CNTNAP5: variants seen among roughly 807,000 people sequenced by gnomAD.
The protein encoded by CNTNAP5 is contactin associated protein family member 5.
CNTNAP5 carries 72 observed loss-of-function variants against 150.2 expected under a neutral mutation model. The ratio of observed to expected loss-of-function variants is 0.48; its 90% confidence interval spans 0.40 to 0.58. The LOEUF (loss-of-function observed/expected upper bound fraction) is 0.58, where lower values mean the gene tolerates loss of function less well. Among genes scored for constraint, CNTNAP5 ranks in the 20% least tolerant of loss-of-function variants. The probability of loss-of-function intolerance (pLI) is 0.00; values close to 1 mark genes in which losing one functional copy is unlikely to be tolerated. For missense variants in CNTNAP5, 1,636 were observed against 1,626.2 expected, an observed-to-expected ratio of 1.01 and a Z score of -0.10; for synonymous variants, 672 against 619.8, an observed-to-expected ratio of 1.08 and a Z score of -1.25.
intron 3 of CNTNAP5, among the ~76,000 whole-genome samples, chr2:124,274,265 C>G (rs1687830620): frequency 6.6e-6 from 1 of 152,138 alleles, no homozygotes; most frequent in African/African-American, 2.4e-5. Flanking sequence ...ACCTCACTAG[C>G]CACCTCCCAT....
chr2:124,657,270 G>A (rs1024301930), intron 13 of CNTNAP5, among the ~76,000 whole-genome samples: 1 of 152,088 alleles, frequency 6.6e-6, no homozygotes, highest in Admixed American at 6.6e-5. Flanking sequence ...GTAGAGTTAG[G>A]TCTATGTTCC....
intron 13 of CNTNAP5, among the ~76,000 whole-genome samples, chr2:124,679,961 G>C (rs1679028523): frequency 1.3e-5 from 2 of 151,674 alleles, no homozygotes; most frequent in Admixed American, 6.7e-5. Flanking sequence ...AGAAGTTCGA[G>C]ACCCCCGCCC....
At chr2:124,884,774 C>T (rs1381994004) in intron 21 of CNTNAP5, among the ~76,000 whole-genome samples, 1 of 151,984 alleles carries the variant, frequency 6.6e-6, no homozygotes, top group African/African-American at 2.4e-5. Flanking sequence ...ACCCTTGCCT[C>T]ATCTATCAAC....
intron 17 of CNTNAP5, among the ~76,000 whole-genome samples, chr2:124,775,765 A>T (rs1681308595): frequency 6.6e-6 from 1 of 152,178 alleles, no homozygotes. Flanking sequence ...TTAACAGAGC[A>T]GGAGACTCTT....
At chr2:124,752,889 C>A (rs910292562) in intron 14 of CNTNAP5, among the ~76,000 whole-genome samples, 2 of 152,092 alleles carry the variant, frequency 1.3e-5, no homozygotes, top group Non-Finnish European at 2.9e-5. Flanking sequence ...CAAGAGGCGT[C>A]AAAGGCTGGT....
intron 1 of CNTNAP5, among the ~76,000 whole-genome samples, chr2:124,121,853 A>G (rs1181745963): frequency 1.3e-5 from 2 of 152,182 alleles, no homozygotes; most frequent in Admixed American, 1.3e-4. Context: ...TTAGCACTTA[A>G]CGCTAATTAA....
chr2:124,270,172 G>A (rs759296846), intron 3 of CNTNAP5, among the ~76,000 whole-genome samples: 17 of 152,068 alleles, frequency 1.1e-4, no homozygotes, highest in Admixed American at 2.6e-4. Context: ...AAAATTACCC[G>A]GGCACGATGG....
chr2:124,830,306 T>C (rs956681009), intron 19 of CNTNAP5, among the ~76,000 whole-genome samples: 4 of 152,052 alleles, frequency 2.6e-5, no homozygotes, highest in African/African-American at 9.7e-5. Context: ...TGTAAAATAC[T>C]TAACCCTTTT....
chr2:124,428,474 G>T (rs1267658843), intron 4 of CNTNAP5, among the ~76,000 whole-genome samples: 1 of 152,180 alleles, frequency 6.6e-6, no homozygotes, highest in Non-Finnish European at 1.5e-5. Context: ...GAAGATGGTG[G>T]GGATAGAGAG....
Position 124,896,273 on chromosome 2 carries a change from GCA to G in CNTNAP5, c.3437-6594_3437-6593del, listed in dbSNP as rs139399891. Among the ~76,000 whole-genome samples, 177 of 149,880 alleles carry G rather than the reference GCA, an allele frequency of 1.2e-3. 5 individuals are homozygous for G. Among genetic ancestry groups the G allele is most frequent in the Middle Eastern group, 3.5e-3 (1 of 288 alleles). On this transcript the variant is annotated intron_variant, in intron 21 of 23. Coordinates refer to ENST00000682447, the MANE Select transcript of CNTNAP5 (RefSeq NM_001367498.1). ...AAGAATGAAGAAGTTTGAAATGCAT[GCA>G]CACACACACACACATACATGAATGT...
chr2:124,420,527 T>C (rs1397145792), intron 4 of CNTNAP5, among the ~76,000 whole-genome samples: 1 of 152,228 alleles, frequency 6.6e-6, no homozygotes, highest in Admixed American at 6.5e-5. Flanking sequence ...CATGTCAACT[T>C]GGCCTTTTTA....
intron 19 of CNTNAP5, among the ~76,000 whole-genome samples, chr2:124,799,116 G>A (rs572138642): frequency 6.6e-6 from 1 of 152,036 alleles, no homozygotes; most frequent in African/African-American, 2.4e-5. Context: ...TCTGAGGAAG[G>A]GATCATTTTT....
intron 1 of CNTNAP5, among the ~76,000 whole-genome samples, chr2:124,215,327 A>G (rs1331385227): frequency 6.6e-6 from 1 of 152,192 alleles, no homozygotes; most frequent in East Asian, 1.9e-4. Flanking sequence ...TTTAATAATA[A>G]TGAATAAAAA....
intron 3 of CNTNAP5, among the ~76,000 whole-genome samples, chr2:124,357,545 A>T (rs1362652343): frequency 1.3e-5 from 2 of 151,616 alleles, no homozygotes; most frequent in African/African-American, 4.8e-5. Context: ...TTTTCCCAGC[A>T]CCGTTTATTA....
At chr2:124,326,324 ACTTGTTTTTCAGC>A (rs1475977692) in intron 3 of CNTNAP5, among the ~76,000 whole-genome samples, 1 of 152,162 alleles carries the variant, frequency 6.6e-6, no homozygotes, top group Non-Finnish European at 1.5e-5. Context: ...AAAGCACTAA[ACTTGTTTTTCAGC>A]CAAGATCTTC....
At chr2:124,692,926 G>C (rs1468648167) in intron 13 of CNTNAP5, among the ~76,000 whole-genome samples, 2 of 152,070 alleles carry the variant, frequency 1.3e-5, no homozygotes, top group African/African-American at 4.8e-5. Context: ...CTCCCTCCCA[G>C]CTTGTGATTC....
intron 3 of CNTNAP5, among the ~76,000 whole-genome samples, chr2:124,370,209 C>T (rs896934154): frequency 5.3e-5 from 8 of 152,138 alleles, no homozygotes; most frequent in East Asian, 1.9e-4. Flanking sequence ...ACTAAAGCTA[C>T]GTACGTGAAC....
intron 10 of CNTNAP5, among the ~76,000 whole-genome samples, chr2:124,530,326 T>C (rs1695076770): frequency 6.6e-6 from 1 of 151,996 alleles, no homozygotes; most frequent in African/African-American, 2.4e-5. Context: ...AATAAATACA[T>C]AAATAAATAA....
rs1316650262 is a variant in CNTNAP5 at position 124,840,563 on chromosome 2, T to C, written c.3218-24743T>C. ...TGGCTGGCTGCAACTAACAACCTTA[T>C]CACATCACAGAACAGGTGGACTCAG... On this transcript the variant is annotated intron_variant, in intron 19 of 23. Coordinates refer to ENST00000682447, the MANE Select transcript of CNTNAP5 (RefSeq NM_001367498.1). 3.9e-5 allele frequency among the ~76,000 whole-genome samples: 6 copies of C among 152,122 alleles called. No individual in the cohort carries two copies. In the East Asian group the frequency reaches 1.2e-3, roughly 30 times the overall value.
Sources: allele counts gnomAD v4.1 joint callset (sites outside exome capture counted in the v4.1 genomes callset), GRCh38; gene constraint gnomAD v4.1.1; transcripts MANE v1.5; gene names NCBI Gene and HGNC (gene_info 2026-07-23, HGNC 2026-07-21).